GAS2L3: variants seen among roughly 807,000 people sequenced by gnomAD.
GAS2L3 encodes GAS2-like protein 3.
Under a neutral mutation model 37.0 loss-of-function variants are expected in GAS2L3, and 28 were observed. The ratio of observed to expected loss-of-function variants is 0.76; its 90% CI spans 0.56 to 1.04. GAS2L3 has a LOEUF of 1.04. GAS2L3 is among the 50% of genes least tolerant of loss of function. GAS2L3 has a pLI of 0.00. For missense variants in GAS2L3, 793 were observed against 817.6 expected, an observed-to-expected ratio of 0.97 and a Z score of 0.37; for synonymous variants, 290 against 296.6, an observed-to-expected ratio of 0.98 and a Z score of 0.23.
intron 1 of GAS2L3, chr12:100,578,974 A>T: frequency 1.1e-6 from 1 of 899,200 alleles, no homozygotes; most frequent in Non-Finnish European, 1.8e-6. Context: ...ATGGAAATCG[A>T]AAAGGCATCC....
chr12:100,599,894 G>A (rs903710526), intron 3 of GAS2L3, among the ~76,000 whole-genome samples: 3 of 152,094 alleles, frequency 2.0e-5, no homozygotes, highest in East Asian at 1.9e-4. Context: ...TCATTAATTC[G>A]GGGTTTTCTT....
At chr12:100,589,058 G>A (rs1172453701) in intron 1 of GAS2L3, among the ~76,000 whole-genome samples, 1 of 152,148 alleles carries the variant, frequency 6.6e-6, no homozygotes, top group Non-Finnish European at 1.5e-5. Context: ...CTCAGCTTAC[G>A]AAGATAACAG....
At chr12:100,615,307 A>T (rs1555203263) in intron 6 of GAS2L3, among the ~76,000 whole-genome samples, 1 of 152,116 alleles carries the variant, frequency 6.6e-6, no homozygotes, top group Non-Finnish European at 1.5e-5. Context: ...TTCTTTGGAG[A>T]CTATCTATTC....
At chr12:100,593,105 T>C (rs1955866276) in intron 2 of GAS2L3, among the ~76,000 whole-genome samples, 1 of 152,036 alleles carries the variant, frequency 6.6e-6, no homozygotes, top group Non-Finnish European at 1.5e-5. Context: ...AAAAATATCT[T>C]GGAAAGATGA....
chr12:100,606,930 G>A (rs1956064363), intron 5 of GAS2L3, among the ~76,000 whole-genome samples: 1 of 151,962 alleles, frequency 6.6e-6, no homozygotes, highest in Non-Finnish European at 1.5e-5. Flanking sequence ...CAGTGTTATA[G>A]TATTTTGTGT....
chr12:100,605,308 C>T (rs1956042963), intron 5 of GAS2L3, among the ~76,000 whole-genome samples: 1 of 151,594 alleles, frequency 6.6e-6, no homozygotes, highest in East Asian at 1.9e-4. Context: ...TACAGTTGCT[C>T]AGTATGATCC....
At chr12:100,575,140 TG>T (rs1024216634) in intron 1 of GAS2L3, among the ~76,000 whole-genome samples, 35 of 152,216 alleles carry the variant, frequency 2.3e-4, no homozygotes, top group African/African-American at 8.4e-4. Flanking sequence ...TTGAGAGGAT[TG>T]TTGTAAAGAT....
chr12:100,581,194 C>A (rs193134099), intron 1 of GAS2L3, among the ~76,000 whole-genome samples: 1 of 152,340 alleles, frequency 6.6e-6, no homozygotes, highest in African/African-American at 2.4e-5. Flanking sequence ...AAGTCACTCT[C>A]CTTTGCTGTG....
intron 1 of GAS2L3, among the ~76,000 whole-genome samples, chr12:100,575,329 G>A (rs1015996418): frequency 3.9e-5 from 6 of 151,984 alleles, no homozygotes; most frequent in Non-Finnish European, 7.4e-5. Flanking sequence ...AATTATACAT[G>A]TAAAGCATTT....
At chr12:100,607,350 T>A (rs1257578182) in intron 5 of GAS2L3, among the ~76,000 whole-genome samples, 2 of 152,188 alleles carry the variant, frequency 1.3e-5, no homozygotes, top group Admixed American at 1.3e-4. Context: ...GCTTTTAGGA[T>A]CCTTTCTTTA....
chr12:100,591,730 T>G lies in GAS2L3; in HGVS notation c.-151-6T>G, dbSNP rs529957989. On this transcript the variant is annotated splice_polypyrimidine_tract_variant and splice_region_variant and intron_variant, in intron 1 of 9. Coordinates refer to ENST00000547754, the MANE Select transcript of GAS2L3 (RefSeq NM_174942.3). ...AAGAAGGAAATGGTCATATTTCATT[T>G]TACAGATCAGAACACTGAGGCTCAG... The G allele has an allele frequency of 2.6e-5, 4 of 152,148 alleles. No homozygotes were observed. Among genetic ancestry groups the G allele is most frequent in the Non-Finnish European group, 5.9e-5 (4 of 68,022 alleles). 9.4% of individuals were successfully genotyped at this position (152,148 alleles called of 1,614,324 possible).
chr12:100,575,787 A>G (rs905370964), intron 1 of GAS2L3, among the ~76,000 whole-genome samples: 2 of 151,970 alleles, frequency 1.3e-5, no homozygotes, highest in Non-Finnish European at 2.9e-5. Flanking sequence ...CGTTATCTCT[A>G]TTTTATAGGG....
At chr12:100,595,064 T>G in intron 3 of GAS2L3, 142 bp downstream of exon 3, 1 of 391,046 alleles carries the variant, frequency 2.6e-6, no homozygotes, top group South Asian at 7.3e-5. Flanking sequence ...CATACTATAT[T>G]TTGACTTTCT....
chr12:100,616,471 GTCA>G (rs1956188883), intron 6 of GAS2L3, among the ~76,000 whole-genome samples: 1 of 151,854 alleles, frequency 6.6e-6, no homozygotes, highest in Non-Finnish European at 1.5e-5. Context: ...GTCTCACTCT[GTCA>G]CCCAGGACTG....
intron 5 of GAS2L3, among the ~76,000 whole-genome samples, chr12:100,608,688 AT>A (rs952659469): frequency 6.6e-6 from 1 of 151,666 alleles, no homozygotes; most frequent in Non-Finnish European, 1.5e-5. Context: ...TGCCCAGCTG[AT>A]TTTTTTTGTA....
chr12:100,610,706 A>G (rs1192467117), intron 5 of GAS2L3, among the ~76,000 whole-genome samples: 1 of 152,204 alleles, frequency 6.6e-6, no homozygotes, highest in African/African-American at 2.4e-5. Context: ...TACTGTACCT[A>G]CTGCATTAAC....
Position 100,612,056 on chromosome 12 carries a change from T to A in GAS2L3, c.360T>A (p.Phe120Leu). 1.2e-6 allele frequency: 2 copies of A among 1,611,828 alleles called. No individual in the cohort carries two copies. The highest frequency in any genetic ancestry group is 1.7e-6 in the Non-Finnish European group (2 of 1,177,914). Reference sequence around the variant, plus strand: ...AAGATGCTGCATCAGGTTCATTCTTTGCTCGGGACAATACCGCAAACTTCC... The same window carrying A: ...AAGATGCTGCATCAGGTTCATTCTTAGCTCGGGACAATACCGCAAACTTCC... The part of the protein sequence containing the change: ...CKKDAASGSF[F>L]ARDNTANFLH... The change falls in exon 6 of 10, where the codon TTT becomes TTA. Residue 120 changes from phenylalanine to leucine, a missense_variant. Coordinates refer to ENST00000547754, the MANE Select transcript of GAS2L3 (RefSeq NM_174942.3).
At chr12:100,619,736 T>G (rs1382058022) in intron 8 of GAS2L3, among the ~76,000 whole-genome samples, 3 of 151,968 alleles carry the variant, frequency 2.0e-5, no homozygotes, top group Non-Finnish European at 4.4e-5. Context: ...TAAAGAATGA[T>G]AAATGAAAAG....
intron 6 of GAS2L3, among the ~76,000 whole-genome samples, chr12:100,613,582 C>A (rs529293285): frequency 7.3e-5 from 11 of 151,290 alleles, no homozygotes; most frequent in Non-Finnish European, 1.5e-4. Context: ...AATCAAAGAA[C>A]AATTACCATT....
Sources: allele counts gnomAD v4.1 joint callset (sites outside exome capture counted in the v4.1 genomes callset), GRCh38; gene constraint gnomAD v4.1.1; transcripts MANE v1.5; gene names NCBI Gene and HGNC (gene_info 2026-07-23, HGNC 2026-07-21).